The following STXBP5 variants were observed in gnomAD, a reference collection of about 807,000 sequenced individuals.
STXBP5 encodes the protein syntaxin binding protein 5.
Under a neutral mutation model 152.4 loss-of-function variants are expected in STXBP5, and 50 were observed. The observed-to-expected ratio is 0.33, with a 90% CI of 0.26 to 0.42. The LOEUF (loss-of-function observed/expected upper bound fraction) is 0.42, where lower values mean the gene tolerates loss of function less well. STXBP5 is among the 10% of genes least tolerant of loss of function. The pLI is 1.00. For missense variants in STXBP5, 1,167 were observed against 1,388.6 expected, an observed-to-expected ratio of 0.84 and a Z score of 2.54; for synonymous variants, 492 against 494.7, an observed-to-expected ratio of 0.99 and a Z score of 0.07.
At chr6:147,237,814 G>A (rs2115191561) in intron 3 of STXBP5, among the ~76,000 whole-genome samples, 1 of 152,194 alleles carries the variant, frequency 6.6e-6, no homozygotes, top group South Asian at 2.1e-4. Context: ...TTGAAAGGGG[G>A]AGACTTTACA....
chr6:147,291,452 T>C (rs945894468), intron 9 of STXBP5, among the ~76,000 whole-genome samples: 1 of 152,156 alleles, frequency 6.6e-6, no homozygotes, highest in African/African-American at 2.4e-5. Context: ...TCAGTAGCAA[T>C]AGTGTTTATT....
chr6:147,374,409 T>C (rs1296534952), intron 26 of STXBP5, among the ~76,000 whole-genome samples: 1 of 152,190 alleles, frequency 6.6e-6, no homozygotes, highest in African/African-American at 2.4e-5. Flanking sequence ...TGTTTCATGT[T>C]TGTTTGACTA....
intron 8 of STXBP5, among the ~76,000 whole-genome samples, chr6:147,288,472 A>C (rs1781107632): frequency 6.6e-6 from 1 of 152,118 alleles, no homozygotes; most frequent in Non-Finnish European, 1.5e-5. Flanking sequence ...CCCTCATGTT[A>C]CTGAAGTTCA....
chr6:147,376,893 G>A (rs62435633), intron 26 of STXBP5, among the ~76,000 whole-genome samples: 53 of 151,960 alleles, frequency 3.5e-4, no homozygotes, highest in Admixed American at 9.2e-4. Context: ...ACACAAAAAG[G>A]TGAAATTTAA....
chr6:147,362,483 G>A (rs1295534052), intron 23 of STXBP5, among the ~76,000 whole-genome samples: 1 of 152,092 alleles, frequency 6.6e-6, no homozygotes, highest in Non-Finnish European at 1.5e-5. Context: ...ACCATTAACT[G>A]AAGCAAGTCA....
In STXBP5 at chr6:147,386,320, TTG is replaced by T. The variant is rs1786336922; in HGVS notation, c.*1567_*1568del. ...CACAAATTGATAGTAAACAGGATGG[TTG>T]TTTTTCTATTCTATATGATCATTAA... On this transcript the variant is annotated 3_prime_UTR_variant, in exon 28 of 28. Transcript: ENST00000321680. 6.6e-6 allele frequency: 1 copy of T among 151,912 alleles called. No individual in the cohort carries two copies. Among genetic ancestry groups the T allele is most frequent in the African/African-American group, 2.4e-5 (1 of 41,430 alleles). The allele number at this position is 151,912 out of a possible 1,614,324, so 9.4% of individuals were successfully genotyped here.
rs987088918 is a variant in STXBP5 at position 147,223,001 on chromosome 6, T to G, written c.249-12249T>G. Reference sequence around the variant, plus strand: ...ATTCTCTGTATCCACCTGTCTGTCTTTCCAGTTTGGGGGCAGTGGTTTTTC... The same window carrying G: ...ATTCTCTGTATCCACCTGTCTGTCTGTCCAGTTTGGGGGCAGTGGTTTTTC... On this transcript the variant is annotated intron_variant, in intron 2 of 27. Transcript: ENST00000321680. Among the ~76,000 whole-genome samples the G allele has an allele frequency of 2.6e-5, 4 of 152,268 alleles. No homozygotes were observed. In the South Asian group the frequency reaches 8.3e-4, roughly 31 times the overall value.
intron 25 of STXBP5, among the ~76,000 whole-genome samples, chr6:147,364,974 A>T (rs1168209090): frequency 1.3e-5 from 2 of 152,208 alleles, no homozygotes; most frequent in African/African-American, 4.8e-5. Flanking sequence ...TTATGTAATC[A>T]TAAACAAGTT....
chr6:147,253,316 A>G (rs1456505473), intron 4 of STXBP5, among the ~76,000 whole-genome samples: 1 of 152,216 alleles, frequency 6.6e-6, no homozygotes, highest in African/African-American at 2.4e-5. Flanking sequence ...TCTCAAAATA[A>G]TGGCTATTTA....
At chr6:147,343,011 T>A (rs1216991856) in intron 21 of STXBP5, among the ~76,000 whole-genome samples, 1 of 152,122 alleles carries the variant, frequency 6.6e-6, no homozygotes, top group Non-Finnish European at 1.5e-5. Context: ...AAATTCCTTC[T>A]GGTTACATGA....
Position 147,363,841 on chromosome 6 carries a change from T to G in STXBP5, c.2915+137T>G, listed in dbSNP as rs3737183. ...GAATTTATTTTTATTCTGTTAATAG[T>G]GAACAAGTATATGAGGAGTATAAAC... On this transcript the variant is annotated intron_variant, in intron 24 of 27. Coordinates refer to ENST00000321680, the MANE Select transcript of STXBP5 (RefSeq NM_001127715.4). 0.016 allele frequency: 22,183 copies of G among 1,391,198 alleles called. 1,753 individuals carry two copies. The East Asian group carries it at 0.26, about 16-fold the overall frequency. 86.2% of individuals were successfully genotyped at this position (1,391,198 alleles called of 1,614,324 possible). A position where few individuals can be genotyped will look rare whatever the true frequency, so the allele number is the denominator to read the frequency against.
At chr6:147,214,216 G>A (rs1309536968) in intron 2 of STXBP5, among the ~76,000 whole-genome samples, 1 of 152,084 alleles carries the variant, frequency 6.6e-6, no homozygotes, top group African/African-American at 2.4e-5. Flanking sequence ...ACTTTTTCAT[G>A]ATCTTCTGTA....
At chr6:147,262,261 G>A in intron 5 of STXBP5, 29 bp from the exon 6 acceptor site, 1 of 1,447,372 alleles carries the variant, frequency 6.9e-7, no homozygotes, top group Non-Finnish European at 9.4e-7. Flanking sequence ...TAACTGAAGA[G>A]AAAATCTTAC....
At position 147,388,304 on chromosome 6, in the gene STXBP5, A is replaced by G. The variant is rs1024983123; in HGVS notation, c.*3549A>G. 1 of 151,790 alleles carries G rather than the reference A, an allele frequency of 6.6e-6. No homozygotes were observed. Among genetic ancestry groups the G allele is most frequent in the Non-Finnish European group, 1.5e-5 (1 of 67,752 alleles). The allele number at this position is 151,790 out of a possible 1,614,324, so 9.4% of individuals were successfully genotyped here. A position where few individuals can be genotyped will look rare whatever the true frequency, so the allele number is the denominator to read the frequency against. On this transcript the variant is annotated 3_prime_UTR_variant, in exon 28 of 28. Transcript: ENST00000321680. ...TTTAAAACCTTTAATAGGGTTTTAT[A>G]TAGATTTAAAAAATAGTAAAATAAT...
intron 5 of STXBP5, among the ~76,000 whole-genome samples, chr6:147,262,009 G>C (rs1779665994): frequency 6.6e-6 from 1 of 151,806 alleles, no homozygotes; most frequent in South Asian, 2.1e-4. Flanking sequence ...CTTGACAATA[G>C]ATTTCCTGTG....
At chr6:147,220,901 T>C (rs975131142) in intron 2 of STXBP5, among the ~76,000 whole-genome samples, 4 of 152,116 alleles carry the variant, frequency 2.6e-5, no homozygotes, top group Admixed American at 2.0e-4. Flanking sequence ...ACCTACCATA[T>C]TTGTTACTGT....
At chr6:147,315,485 AG>A in intron 14 of STXBP5, 29 bp from the exon 15 acceptor site, 1 of 1,421,482 alleles carries the variant, frequency 7.0e-7, no homozygotes, top group Non-Finnish European at 9.8e-7. Flanking sequence ...TTTATATTAA[AG>A]TATCTGACAT....
At chr6:147,205,564 A>G (rs1472579612) in intron 1 of STXBP5, among the ~76,000 whole-genome samples, 1 of 152,198 alleles carries the variant, frequency 6.6e-6, no homozygotes, top group Non-Finnish European at 1.5e-5. Flanking sequence ...CCTTAGAAGT[A>G]CTTGCGTTAG....
At chr6:147,318,586 C>A (rs1782759745) in intron 16 of STXBP5, among the ~76,000 whole-genome samples, 1 of 152,116 alleles carries the variant, frequency 6.6e-6, no homozygotes, top group Non-Finnish European at 1.5e-5. Flanking sequence ...TGTTATGGCA[C>A]ACTATTAATC....
Sources: gnomAD v4.1 joint callset for allele counts (sites outside exome capture counted in the v4.1 genomes callset) on GRCh38, gnomAD v4.1.1 for gene constraint, MANE v1.5 for transcripts, NCBI Gene and HGNC (gene_info 2026-07-23, HGNC 2026-07-21) for gene names.